Variants in RALGPS1 observed in about 807,000 individuals in gnomAD.
RALGPS1 encodes Ral GEF with PH domain and SH3 binding motif 1.
In RALGPS1, 19 loss-of-function variants were observed where a neutral mutation model predicts 78.8. The ratio of observed to expected loss-of-function variants is 0.24; its 90% CI spans 0.17 to 0.35. The LOEUF is 0.35. Among genes scored for constraint, RALGPS1 ranks in the 10% least tolerant of loss-of-function variants. The pLI, the probability that RALGPS1 is intolerant of heterozygous loss-of-function variation, is 1.00. For missense variants in RALGPS1, 454 were observed against 688.3 expected (o/e 0.66, Z 3.81); for synonymous variants, 228 against 256.3 (o/e 0.89, Z 1.06).
Position 126,981,551 on chromosome 9 carries a change from G to T in RALGPS1, c.216+3806G>T, listed in dbSNP as rs1360209098. On this transcript the variant is annotated intron_variant, in intron 4 of 18. Transcript: ENST00000259351. The stretch of plus-strand genomic sequence containing the variant: ...TTGAAAAGGGGTGGGTGCTGATGTG[G>T]ACTGTTGCTGGGTAGCCTGGGCTGT... Among the ~76,000 whole-genome samples, 10 of 152,346 alleles carry T rather than the reference G, an allele frequency of 6.6e-5. No individual in the cohort carries two copies. The East Asian group carries it at 1.9e-3, about 29-fold the overall frequency.
At chr9:127,019,279 C>T (rs1284274150) in intron 4 of RALGPS1, among the ~76,000 whole-genome samples, 2 of 152,092 alleles carry the variant, frequency 1.3e-5, no homozygotes, top group Non-Finnish European at 2.9e-5. Flanking sequence ...CCTGTTGTTA[C>T]TCTTTTTTCT....
chr9:126,983,040 A>G (rs2041468317), intron 4 of RALGPS1, among the ~76,000 whole-genome samples: 1 of 145,404 alleles, frequency 6.9e-6, no homozygotes, highest in South Asian at 2.2e-4. Flanking sequence ...GGGTTCAAAC[A>G]ATTCTCCTGC....
chr9:127,149,453 G>C (rs1564668286), intron 8 of RALGPS1, among the ~76,000 whole-genome samples: 1 of 152,244 alleles, frequency 6.6e-6, no homozygotes, highest in Non-Finnish European at 1.5e-5. Context: ...TGTTCAGTGA[G>C]GTTTGATGGG....
intron 8 of RALGPS1, among the ~76,000 whole-genome samples, chr9:127,160,735 C>G (rs1429708825): frequency 6.6e-6 from 1 of 152,260 alleles, no homozygotes; most frequent in East Asian, 1.9e-4. Flanking sequence ...GCCCCTAGCA[C>G]TGCTGTCTGT....
At chr9:126,941,623 G>A (rs759839324) in intron 1 of RALGPS1, among the ~76,000 whole-genome samples, 7 of 152,164 alleles carry the variant, frequency 4.6e-5, no homozygotes, top group Admixed American at 6.5e-5. Flanking sequence ...TATACTGGGG[G>A]TTTTGGGTTT....
chr9:126,931,982 T>G (rs1482189510), intron 1 of RALGPS1, among the ~76,000 whole-genome samples: 4 of 37,402 alleles, frequency 1.1e-4, no homozygotes, highest in African/African-American at 1.6e-4. Flanking sequence ...CACAGACATG[T>G]TTTTTTTTTT....
At chr9:127,217,341 G>A in intron 18 of RALGPS1, 1 of 1,017,034 alleles carries the variant, frequency 9.8e-7, no homozygotes, top group Non-Finnish European at 1.2e-6. Context: ...GACAACAACT[G>A]AAATATTCAA....
chr9:127,159,018 A>G (rs769535306), intron 8 of RALGPS1, among the ~76,000 whole-genome samples: 2 of 152,136 alleles, frequency 1.3e-5, no homozygotes, highest in African/African-American at 2.4e-5. Flanking sequence ...CAAAATAGGT[A>G]GTGGGTGTTA....
At chr9:127,021,295 A>C (rs532955493) in intron 4 of RALGPS1, among the ~76,000 whole-genome samples, 1 of 152,210 alleles carries the variant, frequency 6.6e-6, no homozygotes, top group African/African-American at 2.4e-5. Flanking sequence ...TGAGGTCAAG[A>C]GTTTGAGACC....
intron 8 of RALGPS1, among the ~76,000 whole-genome samples, chr9:127,142,027 G>T (rs1484855351): frequency 6.6e-6 from 1 of 152,150 alleles, no homozygotes; most frequent in Non-Finnish European, 1.5e-5. Context: ...CCAGCCTTGC[G>T]TAGGTCTGTT....
At chr9:127,110,083 A>T (rs73595431) in intron 8 of RALGPS1, among the ~76,000 whole-genome samples, 7,702 of 152,156 alleles carry the variant, frequency 0.051, 660 homozygotes, top group African/African-American at 0.18. Flanking sequence ...CTCTTGTTGC[A>T]TTTCTCTGCT....
At chr9:126,946,285 C>G (rs1445610668) in intron 1 of RALGPS1, among the ~76,000 whole-genome samples, 1 of 152,136 alleles carries the variant, frequency 6.6e-6, no homozygotes, top group Non-Finnish European at 1.5e-5. Flanking sequence ...AGGCTCATGC[C>G]TCACTCGGGA....
chr9:127,019,617 G>A (rs926830394), intron 4 of RALGPS1, among the ~76,000 whole-genome samples: 5 of 152,084 alleles, frequency 3.3e-5, no homozygotes, highest in African/African-American at 4.8e-5. Context: ...GTGAGCAACC[G>A]CGCCTGGCTG....
intron 5 of RALGPS1, among the ~76,000 whole-genome samples, chr9:127,037,401 T>G (rs2046953926): frequency 6.6e-6 from 1 of 152,240 alleles, no homozygotes; most frequent in Non-Finnish European, 1.5e-5. Context: ...TTTCCATTCA[T>G]GGAGATTGGA....
At chr9:127,031,425 T>C (rs772039393) in intron 4 of RALGPS1, among the ~76,000 whole-genome samples, 5 of 152,364 alleles carry the variant, frequency 3.3e-5, no homozygotes, top group South Asian at 2.1e-4. Context: ...ATAAATCTTC[T>C]GTGCTGAATT....
chr9:126,960,222 T>G (rs1588658215), intron 1 of RALGPS1, among the ~76,000 whole-genome samples: 1 of 64,708 alleles, frequency 1.5e-5, no homozygotes, highest in Non-Finnish European at 3.4e-5. Flanking sequence ...CCTCCCTCCC[T>G]TCCTTCCTTC....
At chr9:127,168,356 G>A (rs2059394508) in intron 9 of RALGPS1, among the ~76,000 whole-genome samples, 1 of 152,196 alleles carries the variant, frequency 6.6e-6, no homozygotes, top group African/African-American at 2.4e-5. Context: ...TGGAGGCCAG[G>A]GAGCCATCTT....
At chr9:126,938,571 G>T (rs965525110) in intron 1 of RALGPS1, among the ~76,000 whole-genome samples, 43 of 152,188 alleles carry the variant, frequency 2.8e-4, no homozygotes, top group Admixed American at 2.8e-3. Context: ...TGGGTGGAAG[G>T]GGGAGGGCGT....
intron 1 of RALGPS1, among the ~76,000 whole-genome samples, chr9:126,936,450 TTCG>T (rs2036265725): frequency 6.6e-6 from 1 of 152,198 alleles, no homozygotes; most frequent in Non-Finnish European, 1.5e-5. Context: ...GGAAAAATAT[TTCG>T]TGACAGAGTA....
Sources: gnomAD v4.1 joint callset for allele counts (sites outside exome capture counted in the v4.1 genomes callset) on GRCh38, gnomAD v4.1.1 for gene constraint, MANE v1.5 for transcripts, NCBI Gene and HGNC (gene_info 2026-07-23, HGNC 2026-07-21) for gene names.